The following ACVR1 variants were observed in gnomAD, a reference collection of about 807,000 sequenced individuals.
ACVR1 encodes activin A receptor type 1, also known as activin receptor type-1.
Under a neutral mutation model 57.1 loss-of-function variants are expected in ACVR1, and 38 were observed. That is an observed-to-expected ratio of 0.67 (90% CI 0.51 to 0.87). The LOEUF is 0.87. Ranked by LOEUF, ACVR1 falls within the 40% of genes least tolerant of loss-of-function variation. The probability of loss-of-function intolerance (pLI) is 0.00; values close to 1 mark genes in which losing one functional copy is unlikely to be tolerated. For missense variants in ACVR1, 463 were observed against 638.2 expected (o/e 0.73, Z 2.96); for synonymous variants, 212 against 228.1 (o/e 0.93, Z 0.63).
At chr2:157,821,076 T>G (rs1688145918) in intron 1 of ACVR1, among the ~76,000 whole-genome samples, 1 of 152,160 alleles carries the variant, frequency 6.6e-6, no homozygotes, top group Admixed American at 6.5e-5. Flanking sequence ...ACTCTTCAAA[T>G]GTTCTACTTG....
chr2:157,866,098 A>G (rs1689920723), intron 1 of ACVR1, among the ~76,000 whole-genome samples: 1 of 152,190 alleles, frequency 6.6e-6, no homozygotes, highest in Non-Finnish European at 1.5e-5. Flanking sequence ...CTAGGAAAAA[A>G]TGTATAGGAA....
At chr2:157,834,559 G>C (rs1226387035) in intron 1 of ACVR1, among the ~76,000 whole-genome samples, 2 of 152,116 alleles carry the variant, frequency 1.3e-5, no homozygotes, top group Non-Finnish European at 2.9e-5. Flanking sequence ...AGCAAGAATA[G>C]AGAGCTATAT....
At chr2:157,745,319 GCACCA>G (rs1360009321) in intron 9 of ACVR1, among the ~76,000 whole-genome samples, 3 of 152,178 alleles carry the variant, frequency 2.0e-5, no homozygotes, top group African/African-American at 7.2e-5. Flanking sequence ...AAAGAGAGGA[GCACCA>G]CAAGAGTTCC....
intron 3 of ACVR1, among the ~76,000 whole-genome samples, chr2:157,796,755 C>T (rs1338232366): frequency 6.6e-6 from 1 of 151,326 alleles, no homozygotes; most frequent in Non-Finnish European, 1.5e-5. Context: ...CAGCAATTAT[C>T]AAGTATCCCC....
intron 2 of ACVR1, among the ~76,000 whole-genome samples, chr2:157,801,375 CAA>C (rs1687322721): frequency 6.6e-6 from 1 of 152,126 alleles, no homozygotes; most frequent in Admixed American, 6.6e-5. Flanking sequence ...TCCCAAATGA[CAA>C]GTGTTCTAAA....
At chr2:157,805,379 G>T (rs1263055928) in intron 2 of ACVR1, among the ~76,000 whole-genome samples, 4 of 152,110 alleles carry the variant, frequency 2.6e-5, no homozygotes, top group African/African-American at 9.7e-5. Context: ...TGGAAGACAG[G>T]TCATACAATC....
intron 8 of ACVR1, among the ~76,000 whole-genome samples, chr2:157,764,425 C>A (rs1685786795): frequency 6.8e-6 from 1 of 146,580 alleles, no homozygotes; most frequent in Non-Finnish European, 1.5e-5. Flanking sequence ...CCAGGCTCAT[C>A]TTGAACTCCT....
At chr2:157,805,825 T>TC (rs1174083118) in intron 2 of ACVR1, among the ~76,000 whole-genome samples, 88 of 138,636 alleles carry the variant, frequency 6.3e-4, no homozygotes, top group African/African-American at 2.2e-3. Context: ...TTTTTCTTTT[T>TC]TTTTTTTTTT....
intron 1 of ACVR1, chr2:157,874,716 T>G (rs1366176395): frequency 6.6e-6 from 1 of 152,176 alleles, no homozygotes; most frequent in Middle Eastern, 3.2e-3. Context: ...TTAAAACCAC[T>G]GGGTTATGTC....
chr2:157,846,036 T>C (rs1291700368), intron 1 of ACVR1, among the ~76,000 whole-genome samples: 1 of 152,238 alleles, frequency 6.6e-6, no homozygotes, highest in East Asian at 1.9e-4. Context: ...GTGAATGTTA[T>C]CTTATGTGAC....
At position 157,737,029 on chromosome 2, in the gene ACVR1, T is replaced by G. The variant is rs1225924573; in HGVS notation, c.*502A>C. 2 of 293,678 alleles carry G rather than the reference T, an allele frequency of 6.8e-6. No homozygotes were observed. The highest frequency in any genetic ancestry group is 9.7e-5 in the South Asian group (1 of 10,348). 18.2% of individuals were successfully genotyped at this position (293,678 alleles called of 1,614,324 possible). A position where few individuals can be genotyped will look rare whatever the true frequency, so the allele number is the denominator to read the frequency against. Reference sequence around the variant, plus strand: ...ATTATCCAAAGACAGACCAGTGGAGTACGCAGCCAACATTTTGGCAAGTTG... The same window carrying G: ...ATTATCCAAAGACAGACCAGTGGAGGACGCAGCCAACATTTTGGCAAGTTG... On this transcript the variant is annotated 3_prime_UTR_variant, in exon 11 of 11. Coordinates refer to ENST00000434821, the MANE Select transcript of ACVR1 (RefSeq NM_001111067.4).
intron 1 of ACVR1, among the ~76,000 whole-genome samples, chr2:157,836,047 A>T (rs1688772400): frequency 6.6e-6 from 1 of 152,258 alleles, no homozygotes; most frequent in African/African-American, 2.4e-5. Context: ...TTTTAAACAT[A>T]TAAAATTAAC....
intron 7 of ACVR1, among the ~76,000 whole-genome samples, chr2:157,767,328 T>G (rs760932817): frequency 6.6e-6 from 1 of 152,146 alleles, no homozygotes; most frequent in Non-Finnish European, 1.5e-5. Context: ...GACATCGCGA[T>G]CAGCCCGGAA....
At chr2:157,797,362 T>C (rs1687161356) in intron 3 of ACVR1, among the ~76,000 whole-genome samples, 1 of 152,162 alleles carries the variant, frequency 6.6e-6, no homozygotes, top group Non-Finnish European at 1.5e-5. Context: ...ATCATTTATA[T>C]AAAGAAGACC....
intron 7 of ACVR1, among the ~76,000 whole-genome samples, chr2:157,766,582 A>C (rs1318530760): frequency 6.6e-6 from 1 of 152,218 alleles, no homozygotes; most frequent in Non-Finnish European, 1.5e-5. Context: ...CTAAAACCTG[A>C]GTACTGTATT....
At chr2:157,853,399 C>G (rs973670545) in intron 1 of ACVR1, among the ~76,000 whole-genome samples, 1 of 152,152 alleles carries the variant, frequency 6.6e-6, no homozygotes, top group African/African-American at 2.4e-5. Flanking sequence ...TTCTTACAAG[C>G]TGACTAATCC....
intron 1 of ACVR1, among the ~76,000 whole-genome samples, chr2:157,864,884 A>G (rs1224716236): frequency 3.9e-5 from 6 of 152,060 alleles, no homozygotes; most frequent in African/African-American, 1.4e-4. Context: ...ACTCTTGATC[A>G]ATAATAAAAA....
chr2:157,776,622 T>G (rs1686298357), intron 5 of ACVR1, among the ~76,000 whole-genome samples: 1 of 152,192 alleles, frequency 6.6e-6, no homozygotes, highest in African/African-American at 2.4e-5. Context: ...GGCCCAGTGA[T>G]GGATGGGGCA....
At chr2:157,746,849 A>C (rs1178575520) in intron 9 of ACVR1, among the ~76,000 whole-genome samples, 1 of 152,252 alleles carries the variant, frequency 6.6e-6, no homozygotes, top group Non-Finnish European at 1.5e-5. Context: ...CAAATTAAAC[A>C]CCAAAAGTAA....
Sources: allele counts gnomAD v4.1 joint callset (sites outside exome capture counted in the v4.1 genomes callset), GRCh38; gene constraint gnomAD v4.1.1; transcripts MANE v1.5; gene names NCBI Gene and HGNC (gene_info 2026-07-23, HGNC 2026-07-21).